The following ARSG variants were observed in gnomAD, a reference collection of about 807,000 sequenced individuals.
ARSG encodes the protein ASG.
ARSG carries 37 observed loss-of-function variants against 50.5 expected under a neutral mutation model. That is an observed-to-expected ratio of 0.73 (90% CI 0.56 to 0.96). The LOEUF is 0.96. Among genes scored for constraint, ARSG ranks in the 50% least tolerant of loss-of-function variants. The probability of loss-of-function intolerance (pLI) is 0.00; values close to 1 mark genes in which losing one functional copy is unlikely to be tolerated. For synonymous variants in ARSG, 225 were observed against 254.6 expected (o/e 0.88, Z 1.11); for missense variants, 629 against 675.3 (o/e 0.93, Z 0.76).
intron 4 of ARSG, among the ~76,000 whole-genome samples, chr17:68,348,662 A>T (rs778592631): frequency 6.6e-6 from 1 of 152,060 alleles, no homozygotes; most frequent in Non-Finnish European, 1.5e-5. Context: ...GGTTCAAGTG[A>T]TTCTCATGCC....
chr17:68,446,510 G>A, the ARSG span, among the ~76,000 whole-genome samples: 13 of 152,082 alleles, frequency 8.5e-5, no homozygotes, highest in South Asian at 2.1e-4. Context: ...AGGCTCTGTC[G>A]TAGGTCTGAG....
chr17:68,355,774 G>A (rs2079007892), intron 5 of ARSG, among the ~76,000 whole-genome samples: 1 of 151,082 alleles, frequency 6.6e-6, no homozygotes, highest in African/African-American at 2.4e-5. Flanking sequence ...TCCAGGAGAT[G>A]TTATTAGTTT....
At chr17:68,344,590 C>A (rs906433798) in intron 3 of ARSG, among the ~76,000 whole-genome samples, 1 of 152,272 alleles carries the variant, frequency 6.6e-6, no homozygotes, top group African/African-American at 2.4e-5. Context: ...AGCTGCCTAA[C>A]CTGGAGGGGT....
chr17:68,326,875 C>T (rs148091911), intron 2 of ARSG, among the ~76,000 whole-genome samples: 1 of 152,194 alleles, frequency 6.6e-6, no homozygotes, highest in African/African-American at 2.4e-5. Flanking sequence ...AAGCAACAGT[C>T]GTCAGCAGCC....
intron 9 of ARSG, among the ~76,000 whole-genome samples, chr17:68,389,564 G>C (rs915191916): frequency 6.6e-6 from 1 of 152,138 alleles, no homozygotes; most frequent in Middle Eastern, 3.2e-3. Context: ...TCAGTGCTAA[G>C]AAAGTACTGC....
Position 68,356,789 on chromosome 17 carries a change from T to A in ARSG, c.689T>A (p.Phe230Tyr). Reference protein sequence around the residue: ...AQKYAEKATQFIQRASTSGRP... With the variant: ...AQKYAEKATQYIQRASTSGRP... ...AAGTATGCTGAGAAAGCAACCCAGT[T>A]CATCCAGCGTGCAAGGTGAGGAGTC... The change falls in exon 6 of 12, where the codon TTC becomes TAC. Residue 230 changes from phenylalanine to tyrosine, a missense_variant. Transcript: ENST00000621439. 6.2e-7 allele frequency: 1 copy of A among 1,614,162 alleles called. No homozygotes were observed. Among genetic ancestry groups the A allele is most frequent in the Non-Finnish European group, 8.5e-7 (1 of 1,180,004 alleles).
At chr17:68,391,069 T>G (rs1175855197) in intron 9 of ARSG, among the ~76,000 whole-genome samples, 1 of 152,132 alleles carries the variant, frequency 6.6e-6, no homozygotes, top group Non-Finnish European at 1.5e-5. Flanking sequence ...ATTTATTTTG[T>G]CTCTTTCTCC....
chr17:68,389,954 TG>T (rs1413980909), intron 9 of ARSG, among the ~76,000 whole-genome samples: 1 of 151,498 alleles, frequency 6.6e-6, no homozygotes, highest in African/African-American at 2.4e-5. Flanking sequence ...CTGCACACCT[TG>T]GGGTCCAGCA....
chr17:68,330,986 G>A lies in ARSG; in HGVS notation c.219-12618G>A, dbSNP rs904943254. ...TTATTTCTTTTTTTTTGCGGGGGGGGGGGGAGGTGGTGGGCGGGGACAGAG... is the reference window on the plus strand; with the variant it reads ...TTATTTCTTTTTTTTTGCGGGGGGGAGGGGAGGTGGTGGGCGGGGACAGAG... On this transcript the variant is annotated intron_variant, in intron 2 of 11. Coordinates refer to ENST00000621439, the MANE Select transcript of ARSG (RefSeq NM_001267727.2). Among the ~76,000 whole-genome samples, 5 of 145,542 alleles carry A rather than the reference G, an allele frequency of 3.4e-5. No individual in the cohort carries two copies. The East Asian group carries it at 1.0e-3, about 30-fold the overall frequency.
chr17:68,408,144 T>A (rs1334697935), intron 11 of ARSG, among the ~76,000 whole-genome samples: 1 of 152,098 alleles, frequency 6.6e-6, no homozygotes, highest in African/African-American at 2.4e-5. Flanking sequence ...ATTATTATAC[T>A]TTAAGTTTTA....
At chr17:68,390,338 C>T (rs1266187543) in intron 9 of ARSG, among the ~76,000 whole-genome samples, 4 of 152,126 alleles carry the variant, frequency 2.6e-5, no homozygotes, top group East Asian at 3.9e-4. Context: ...TGCACCCTTC[C>T]TACGAACAAC....
At chr17:68,294,538 G>A (rs1214484274) in intron 1 of ARSG, among the ~76,000 whole-genome samples, 4 of 152,166 alleles carry the variant, frequency 2.6e-5, no homozygotes, top group Non-Finnish European at 5.9e-5. Flanking sequence ...TTTGGGGGCT[G>A]ACTCTTCAGG....
intron 2 of ARSG, among the ~76,000 whole-genome samples, chr17:68,333,501 G>A (rs934789563): frequency 1.3e-5 from 2 of 151,880 alleles, no homozygotes; most frequent in African/African-American, 4.8e-5. Flanking sequence ...GGTGGTGTAC[G>A]CCTGTAATCC....
intron 1 of ARSG, among the ~76,000 whole-genome samples, chr17:68,275,465 A>G (rs1218371945): frequency 6.6e-6 from 1 of 152,212 alleles, no homozygotes; most frequent in Admixed American, 6.5e-5. Context: ...TGTTGGCTCA[A>G]AGCATTAACA....
the ARSG span, chr17:68,433,612 G>A: frequency 1.3e-6 from 2 of 1,553,886 alleles, no homozygotes; most frequent in Non-Finnish European, 1.8e-6. Context: ...GTGAGCAAGA[G>A]AAATGGGAGT....
In ARSG at chr17:68,271,375, T is replaced by G; in HGVS notation, c.-552+11949T>G. 1 of 1,614,274 alleles carries G rather than the reference T, an allele frequency of 6.2e-7. No individual in the cohort carries two copies. The highest frequency in any genetic ancestry group is 8.5e-7 in the Non-Finnish European group (1 of 1,180,052). ...CACCAGGACCTGCTGCATGTCGGCC[T>G]TCGGCTCCAGTTCCAGGTTAGTGTG... On this transcript the variant is annotated intron_variant, in intron 1 of 11. Transcript: ENST00000448504. This position sits in a 1 kb window ranked among gnomAD's most constrained non-coding sequence, Gnocchi z 5.3.
chr17:68,349,685 A>G (rs1015986187), intron 4 of ARSG, among the ~76,000 whole-genome samples: 1 of 152,064 alleles, frequency 6.6e-6, no homozygotes, highest in African/African-American at 2.4e-5. Flanking sequence ...GCAGTTTGCA[A>G]CCAGCCTGGC....
intron 4 of ARSG, among the ~76,000 whole-genome samples, chr17:68,351,032 C>T (rs1233354348): frequency 6.6e-6 from 1 of 152,130 alleles, no homozygotes; most frequent in Non-Finnish European, 1.5e-5. Context: ...CCATCCCCAT[C>T]CCACCATCTC....
In ARSG at chr17:68,367,569, C is replaced by T. The variant is rs2079605790; in HGVS notation, c.705-979C>T. 1.3e-5 allele frequency among the ~76,000 whole-genome samples: 2 copies of T among 152,158 alleles called. No individual in the cohort carries two copies. The highest frequency in any genetic ancestry group is 1.3e-4 in the Admixed American group (2 of 15,284). Reference sequence around the variant, plus strand: ...GTTGTGATTCTGCAGCTGCTCTTGGCTGGGAGTAGGACTGGGACCTTTGCT... The same window carrying T: ...GTTGTGATTCTGCAGCTGCTCTTGGTTGGGAGTAGGACTGGGACCTTTGCT... On this transcript the variant is annotated intron_variant, in intron 6 of 11. Coordinates refer to ENST00000621439, the MANE Select transcript of ARSG (RefSeq NM_001267727.2). The surrounding 1 kb of genome is among the most constrained non-coding windows in gnomAD (Gnocchi z 4.5).
Sources: gnomAD v4.1 joint callset for allele counts (sites outside exome capture counted in the v4.1 genomes callset) on GRCh38, gnomAD v4.1.1 for gene constraint, Gnocchi (gnomAD v3.1) non-coding constraint, MANE v1.5 for transcripts, NCBI Gene and HGNC (gene_info 2026-07-23, HGNC 2026-07-21) for gene names.